The following RELN variants were observed in gnomAD, a reference collection of about 807,000 sequenced individuals.
The protein encoded by RELN is reelin.
RELN carries 108 observed loss-of-function variants against 427.6 expected under a neutral mutation model. That is an observed-to-expected ratio of 0.25 (90% CI 0.22 to 0.30). The LOEUF (loss-of-function observed/expected upper bound fraction) is 0.30, where lower values mean the gene tolerates loss of function less well. Ranked by LOEUF, RELN falls within the 10% of genes least tolerant of loss-of-function variation. RELN has a pLI of 1.00. For synonymous variants in RELN, 1,524 were observed against 1,513.4 expected (o/e 1.01, Z -0.16); for missense variants, 3,715 against 4,302.8 (o/e 0.86, Z 3.82).
intron 2 of RELN, among the ~76,000 whole-genome samples, chr7:103,857,412 C>T (rs1356007473): frequency 6.6e-6 from 1 of 152,168 alleles, no homozygotes; most frequent in Non-Finnish European, 1.5e-5. Context: ...AGTTGAATTG[C>T]CCTCTTTTAA....
At chr7:103,564,520 C>A (rs1272384950) in intron 34 of RELN, among the ~76,000 whole-genome samples, 1 of 152,168 alleles carries the variant, frequency 6.6e-6, no homozygotes, top group Non-Finnish European at 1.5e-5. Flanking sequence ...GGAGCTAGAG[C>A]CACAGAAGTT....
rs558630025 is a variant in RELN, at chr7:103,793,450, T to C, written c.474-16823A>G. 2.0e-5 allele frequency among the ~76,000 whole-genome samples: 3 copies of C among 152,310 alleles called. No homozygotes were observed. In the East Asian group the frequency reaches 5.8e-4, roughly 29 times the overall value. On this transcript the variant is annotated intron_variant, in intron 3 of 64. Transcript: ENST00000428762. ...ATTCTGTGTCCTCCTCACCTAGAAA[T>C]ACACTCCCTTAAGTCTACATAGAAC...
rs979270424 is a variant in RELN at position 103,828,128 on chromosome 7, G to A, written c.473+5409C>T. On this transcript the variant is annotated intron_variant, in intron 3 of 64. Coordinates refer to ENST00000428762, the MANE Select transcript of RELN (RefSeq NM_005045.4). ...CCGTCTGATGAATGGAAATAAATGG[G>A]CAACCATGCAATATTTTCTGAAGAA... Among the ~76,000 whole-genome samples the A allele has an allele frequency of 3.5e-4, 53 of 151,798 alleles. 1 individual carries two copies. Among genetic ancestry groups the A allele is most frequent in the African/African-American group, 1.2e-3 (51 of 41,344 alleles).
intron 27 of RELN, among the ~76,000 whole-genome samples, chr7:103,590,562 C>CAATCAATCAATCAATA (rs776092533): frequency 9.9e-4 from 36 of 36,184 alleles, no homozygotes; most frequent in African/African-American, 3.0e-3. Flanking sequence ...TCCATCTCAA[C>CAATCAATCAATCAATA]AATAAATAAA....
chr7:103,758,241 C>G (rs1000831355), intron 4 of RELN, among the ~76,000 whole-genome samples: 1 of 152,128 alleles, frequency 6.6e-6, no homozygotes, highest in African/African-American at 2.4e-5. Context: ...GTTCAAGTAA[C>G]TGGACTGAAT....
intron 2 of RELN, among the ~76,000 whole-genome samples, chr7:103,887,802 A>G (rs10228185): frequency 0.27 from 40,344 of 152,044 alleles, 6,031 homozygotes; most frequent in African/African-American, 0.4. Context: ...GATGGGTAGT[A>G]GGATTTAATG....
intron 11 of RELN, among the ~76,000 whole-genome samples, chr7:103,677,038 T>TA (rs1042806735): frequency 4.0e-5 from 6 of 149,840 alleles, no homozygotes; most frequent in East Asian, 2.0e-4. Flanking sequence ...TAAAGCATAA[T>TA]AAAAAAAATG....
At chr7:103,808,577 A>C (rs562570406) in intron 3 of RELN, among the ~76,000 whole-genome samples, 161 of 152,226 alleles carry the variant, frequency 1.1e-3, no homozygotes, top group Admixed American at 3.7e-3. Flanking sequence ...TTAAGAAAAT[A>C]GAGAATATAC....
intron 3 of RELN, among the ~76,000 whole-genome samples, chr7:103,780,850 C>G (rs576476603): frequency 8.1e-4 from 123 of 152,250 alleles, no homozygotes; most frequent in African/African-American, 2.9e-3. Flanking sequence ...CCCCTTTCAA[C>G]TCTTTGTCAT....
At chr7:103,536,890 G>A (rs1338025090) in intron 45 of RELN, among the ~76,000 whole-genome samples, 2 of 152,144 alleles carry the variant, frequency 1.3e-5, no homozygotes, top group African/African-American at 2.4e-5. Context: ...GCTGGATGCT[G>A]GGTGCGCTGT....
At chr7:103,553,328 G>A in intron 40 of RELN, 133 bp downstream of exon 40, 1 of 690,316 alleles carries the variant, frequency 1.4e-6, no homozygotes. Flanking sequence ...AAATTATGAT[G>A]CCAAAATCTC....
intron 31 of RELN, among the ~76,000 whole-genome samples, chr7:103,571,707 G>C (rs1456586646): frequency 2.0e-5 from 3 of 152,184 alleles, no homozygotes; most frequent in Non-Finnish European, 4.4e-5. Flanking sequence ...CATATAATAA[G>C]TCTCAGTAAA....
At chr7:103,830,733 T>C (rs934891938) in intron 3 of RELN, among the ~76,000 whole-genome samples, 1 of 152,004 alleles carries the variant, frequency 6.6e-6, no homozygotes, top group African/African-American at 2.4e-5. Context: ...CATGTTCACT[T>C]TTAACTTCTC....
intron 1 of RELN, among the ~76,000 whole-genome samples, chr7:103,938,931 A>C (rs1187942433): frequency 2.0e-5 from 3 of 151,922 alleles, no homozygotes; most frequent in Admixed American, 6.6e-5. Context: ...CATTCTCCTA[A>C]AGTTTTATAA....
chr7:103,882,003 A>C (rs1340456088), intron 2 of RELN, among the ~76,000 whole-genome samples: 1 of 152,210 alleles, frequency 6.6e-6, no homozygotes, highest in African/African-American at 2.4e-5. Flanking sequence ...AATCAGTCAA[A>C]CAACCAACGA....
rs115931210 is a variant in RELN at position 103,973,624 on chromosome 7, A to T, written c.226+15507T>A. Among the ~76,000 whole-genome samples, 1,175 of 152,246 alleles carry T rather than the reference A, an allele frequency of 7.7e-3. 15 individuals carry two copies. The highest frequency in any genetic ancestry group is 0.026 in the African/African-American group (1,088 of 41,568). ...CATAACGTTTATAACACTGAAAACA[A>T]AAGAAAAACACCTGAAATGTGAAAT... On this transcript the variant is annotated intron_variant, in intron 1 of 64. Coordinates refer to ENST00000428762, the MANE Select transcript of RELN (RefSeq NM_005045.4).
Position 103,490,845 on chromosome 7 carries a change from G to A in RELN, c.9444-16C>T. On this transcript the variant is annotated splice_polypyrimidine_tract_variant and intron_variant, in intron 58 of 64. Transcript: ENST00000428762. Reference sequence around the variant, plus strand: ...GGAATCCGATCTGCAGAAACCAAAAGGCTTTGTTAGACAAATTGTAAGAGA... The same window carrying A: ...GGAATCCGATCTGCAGAAACCAAAAAGCTTTGTTAGACAAATTGTAAGAGA... 2 of 1,613,962 alleles carry A rather than the reference G, an allele frequency of 1.2e-6. No individual in the cohort carries two copies. The highest frequency in any genetic ancestry group is 1.7e-6 in the Non-Finnish European group (2 of 1,179,912).
At chr7:103,685,084 A>G (rs1244764068) in intron 10 of RELN, among the ~76,000 whole-genome samples, 1 of 152,170 alleles carries the variant, frequency 6.6e-6, no homozygotes, top group Non-Finnish European at 1.5e-5. Flanking sequence ...CAGATTATCA[A>G]ATATTCTCCT....
At chr7:103,605,518 T>G (rs1385567018) in intron 22 of RELN, among the ~76,000 whole-genome samples, 1 of 152,234 alleles carries the variant, frequency 6.6e-6, no homozygotes, top group Admixed American at 6.5e-5. Flanking sequence ...GTCTATTCAT[T>G]GACTGCTATA....
Sources: gnomAD v4.1 joint callset for allele counts (sites outside exome capture counted in the v4.1 genomes callset) on GRCh38, gnomAD v4.1.1 for gene constraint, MANE v1.5 for transcripts, NCBI Gene and HGNC (gene_info 2026-07-23, HGNC 2026-07-21) for gene names.